The following CSF2RA variants were observed in gnomAD, a reference collection of about 807,000 sequenced individuals.
CSF2RA encodes granulocyte-macrophage colony-stimulating factor receptor subunit alpha.
In CSF2RA, 42 loss-of-function variants were observed where a neutral mutation model predicts 51.6. That is an observed-to-expected ratio of 0.81 (90% CI 0.64 to 1.05). The LOEUF (loss-of-function observed/expected upper bound fraction) is 1.05, where lower values mean the gene tolerates loss of function less well. Among genes scored for constraint, CSF2RA ranks in the 50% least tolerant of loss-of-function variants. The pLI is 0.00. For missense variants in CSF2RA, 530 were observed against 501.1 expected (o/e 1.06, Z -0.55); for synonymous variants, 222 against 193.0 (o/e 1.15, Z -1.24).
downstream of CSF2RA, among the ~76,000 whole-genome samples, chrX:1,312,635 A>AC (rs2084238639): frequency 6.6e-6 from 1 of 152,124 alleles, no homozygotes; most frequent in African/African-American, 2.4e-5. Flanking sequence ...CGCCACAGAT[A>AC]CCGAAACATC....
intron 9 of CSF2RA, among the ~76,000 whole-genome samples, chrX:1,299,564 G>A (rs1469937766): frequency 2.0e-5 from 3 of 152,088 alleles, no homozygotes; most frequent in African/African-American, 4.8e-5. Flanking sequence ...TACAGTCTCA[G>A]CCTGTAGCTG....
intron 4 of CSF2RA, among the ~76,000 whole-genome samples, chrX:1,287,417 G>A (rs1427729563): frequency 6.6e-6 from 1 of 150,682 alleles, no homozygotes. Context: ...CTCCCAAAGT[G>A]CTGGCATTAC....
Position 1,294,369 on chromosome X carries a change from A to T in CSF2RA, c.688A>T (p.Thr230Ser). 1 of 1,613,886 alleles carries T rather than the reference A, an allele frequency of 6.2e-7. No homozygotes were observed. The highest frequency in any genetic ancestry group is 1.1e-5 in the South Asian group (1 of 91,064). Reference protein sequence around the residue: ...PPSNVTVRCNTTHCLVRWKQP... With the variant: ...PPSNVTVRCNSTHCLVRWKQP... ...CAGCAATGTCACCGTACGTTGCAACACGACGCACTGCCTCGTACGGTGGAA... is the reference window on the plus strand; with the variant it reads ...CAGCAATGTCACCGTACGTTGCAACTCGACGCACTGCCTCGTACGGTGGAA... The change falls in exon 8 of 13, where the codon ACG (threonine) becomes TCG (serine). Residue 230 changes from threonine to serine, a missense_variant. Coordinates refer to ENST00000381529, the MANE Select transcript of CSF2RA (RefSeq NM_172245.4).
chrX:1,304,337 T>C (rs374331494), intron 11 of CSF2RA, among the ~76,000 whole-genome samples: 109 of 99,390 alleles, frequency 1.1e-3, no homozygotes, highest in Middle Eastern at 0.011. Context: ...GAGGTGGAGG[T>C]TGCAGTGAGC....
chrX:1,295,427 A>G lies in CSF2RA; in HGVS notation c.781A>G (p.Asn261Asp), dbSNP rs2091847358. Residue 261 changes from asparagine (N) to aspartate (D), a missense_variant and splice_region_variant, in exon 9 of 13, where the codon AAT (asparagine) becomes GAT (aspartate). Coordinates refer to ENST00000381529, the MANE Select transcript of CSF2RA (RefSeq NM_172245.4). ...FQYQLDVHRKNTQPGTENLLI... is the reference protein window; with the variant it reads ...FQYQLDVHRKDTQPGTENLLI... ...GTGTTGTGTTTTGTTTTGTTTCTAG[A>G]ATACCCAGCCTGGCACGGAAAACCT... The G allele has an allele frequency of 6.2e-7, 1 of 1,613,390 alleles. No individual in the cohort carries two copies. Among genetic ancestry groups the G allele is most frequent in the Non-Finnish European group, 8.5e-7 (1 of 1,179,590 alleles).
chrX:1,300,832 T>A (rs773609074), intron 10 of CSF2RA, among the ~76,000 whole-genome samples: 1 of 152,106 alleles, frequency 6.6e-6, no homozygotes, highest in South Asian at 2.1e-4. Context: ...CTGATGTTTT[T>A]TCAGGACGGA....
the CSF2RA span, among the ~76,000 whole-genome samples, chrX:1,324,493 GA>G: frequency 7.5e-6 from 1 of 132,896 alleles, no homozygotes; most frequent in Non-Finnish European, 1.6e-5. Context: ...GGGAGGGAGG[GA>G]GGGGAGGGAA....
chrX:1,319,059 G>A, the CSF2RA span, among the ~76,000 whole-genome samples: 1 of 137,470 alleles, frequency 7.3e-6, no homozygotes, highest in African/African-American at 2.5e-5. Flanking sequence ...ACAGTGGCAT[G>A]ATCTCGGCTC....
rs1449154079 is a variant in CSF2RA at position 1,269,531 on chromosome X, G to A, written c.-91+652G>A. 2.0e-5 allele frequency among the ~76,000 whole-genome samples: 3 copies of A among 152,066 alleles called. No homozygotes were observed. The South Asian group carries it at 6.2e-4, about 32-fold the overall frequency. On this transcript the variant is annotated intron_variant, in intron 1 of 12. Coordinates refer to ENST00000381529, the MANE Select transcript of CSF2RA (RefSeq NM_172245.4). ...CCACCTACTCAGGAGGCTGAGGCAG[G>A]AGAATCGTTTGAACCCGGGAGGCGG... is the stretch of plus-strand genomic sequence containing the variant.
chrX:1,279,897 C>G (rs752014304), intron 2 of CSF2RA, among the ~76,000 whole-genome samples: 10 of 151,910 alleles, frequency 6.6e-5, no homozygotes, highest in African/African-American at 2.4e-4. Flanking sequence ...TCAAGCGATT[C>G]TCCTGCCTCA....
intron 1 of CSF2RA, among the ~76,000 whole-genome samples, chrX:1,273,893 C>T (rs1302471628): frequency 2.0e-5 from 3 of 151,906 alleles, no homozygotes; most frequent in East Asian, 1.9e-4. Flanking sequence ...TCACCGCGCC[C>T]GGCATGAAAG....
At chrX:1,295,956 G>C (rs1165662611) in intron 9 of CSF2RA, among the ~76,000 whole-genome samples, 1 of 149,394 alleles carries the variant, frequency 6.7e-6, no homozygotes, top group African/African-American at 2.5e-5. Flanking sequence ...ACCACATCTA[G>C]TGTAACTCTA....
At chrX:1,287,625 G>C (rs1197520346) in intron 4 of CSF2RA, among the ~76,000 whole-genome samples, 12 of 144,546 alleles carry the variant, frequency 8.3e-5, no homozygotes, top group Non-Finnish European at 1.5e-4. Context: ...TGTATTTTTA[G>C]TAGAGACGGG....
rs1363963497 is a variant in CSF2RA at position 1,281,055 on chromosome X, T to G, written c.-26-1623T>G. Reference sequence around the variant, plus strand: ...CCTCCTCATTCTCCTCCTGCTCCCCTTCTCCTCCTCCTTCTCCTCCTCCTC... The same window carrying G: ...CCTCCTCATTCTCCTCCTGCTCCCCGTCTCCTCCTCCTTCTCCTCCTCCTC... On this transcript the variant is annotated intron_variant, in intron 2 of 12. Transcript: ENST00000381529. 1.5e-4 allele frequency among the ~76,000 whole-genome samples: 6 copies of G among 40,514 alleles called. 1 individual carries two copies. The highest frequency in any genetic ancestry group is 3.0e-4 in the Non-Finnish European group (6 of 19,698). The allele number at this position is 40,514 out of a possible 152,430, so 26.6% of individuals were successfully genotyped here.
chrX:1,316,618 A>G, the CSF2RA span, among the ~76,000 whole-genome samples: 1 of 152,222 alleles, frequency 6.6e-6, no homozygotes, highest in African/African-American at 2.4e-5. Flanking sequence ...GGGAAGAGCC[A>G]TGGAGACTCA....
intron 10 of CSF2RA, among the ~76,000 whole-genome samples, chrX:1,301,524 C>T (rs1403685218): frequency 6.6e-6 from 1 of 151,436 alleles, no homozygotes; most frequent in Non-Finnish European, 1.5e-5. Context: ...AACAATCAGT[C>T]AGTCTTTGTC....
chrX:1,310,614 A>G (rs1238788665), downstream of CSF2RA, among the ~76,000 whole-genome samples: 4 of 148,150 alleles, frequency 2.7e-5, no homozygotes, highest in East Asian at 2.0e-4. Flanking sequence ...GTTGCAGTGA[A>G]CCGAGATCAC....
At chrX:1,323,158 T>TATAAAATAAAATATAAAATAAA in the CSF2RA span, among the ~76,000 whole-genome samples, 1 of 133,956 alleles carries the variant, frequency 7.5e-6, no homozygotes, top group East Asian at 2.1e-4. Context: ...ACATTACAAT[T>TATAAAATAAAATATAAAATAAA]ATAAAATAAA....
chrX:1,314,964 CCCACT>C (rs1569515156), downstream of CSF2RA, among the ~76,000 whole-genome samples: 79 of 64,232 alleles, frequency 1.2e-3, 14 homozygotes, highest in East Asian at 1.7e-3. Context: ...CCTGCCCAAC[CCCACT>C]GTGCCTGCCC....
Sources: gnomAD v4.1 joint callset for allele counts (sites outside exome capture counted in the v4.1 genomes callset) on GRCh38, gnomAD v4.1.1 for gene constraint, MANE v1.5 for transcripts, NCBI Gene and HGNC (gene_info 2026-07-23, HGNC 2026-07-21) for gene names.